TMEM230: variants seen among roughly 807,000 people sequenced by gnomAD.
TMEM230 encodes UPF0414 transmembrane protein C20orf30.
TMEM230 carries 10 observed loss-of-function variants against 15.8 expected under a neutral mutation model. The ratio of observed to expected loss-of-function variants is 0.63; its 90% CI spans 0.39 to 1.07. The LOEUF (loss-of-function observed/expected upper bound fraction) is 1.07. TMEM230 is among the 50% of genes least tolerant of loss of function. TMEM230 has a pLI of 0.01. For synonymous variants in TMEM230, 67 were observed against 76.9 expected (o/e 0.87, Z 0.68); for missense variants, 165 against 193.3 (o/e 0.85, Z 0.87).
intron 3 of TMEM230, 33 bp downstream of exon 2, chr20:5,109,299 C>T (rs780338076): frequency 6.5e-7 from 1 of 1,544,770 alleles, no homozygotes; most frequent in East Asian, 2.3e-5. Context: ...GAAACACAGC[C>T]AGTCAGTCTT....
chr20:5,066,103 T>C (rs1288022431), downstream of TMEM230: 1 of 152,268 alleles, frequency 6.6e-6, no homozygotes, highest in Non-Finnish European at 1.5e-5. Flanking sequence ...TGCTAAGTCA[T>C]GGTCAGGTTA....
At chr20:5,111,103 G>T (rs1466915754) in intron 2 of TMEM230, 1 of 151,438 alleles carries the variant, frequency 6.6e-6, no homozygotes, top group Non-Finnish European at 1.5e-5. Context: ...AATAGCTTGA[G>T]CCTGGGAGAC....
At chr20:5,095,640 A>G (rs866317494), downstream of TMEM230, among the ~76,000 whole-genome samples, 20 of 152,290 alleles carry the variant, frequency 1.3e-4, 1 homozygote, top group South Asian at 3.9e-3. Context: ...GTCCAGTCTC[A>G]AGGTGAGGAG....
At chr20:5,093,046 A>C (rs1341045303) in intron 3 of TMEM230, among the ~76,000 whole-genome samples, 2 of 152,092 alleles carry the variant, frequency 1.3e-5, no homozygotes, top group Non-Finnish European at 2.9e-5. Flanking sequence ...TTGGAAATGA[A>C]GAAGTAAAAC....
rs867131955 is a variant in TMEM230 at position 5,100,769 on chromosome 20, C to T, written c.*22G>A. 4 of 1,612,216 alleles carry T rather than the reference C, an allele frequency of 2.5e-6. No individual in the cohort carries two copies. Among genetic ancestry groups the T allele is most frequent in the Middle Eastern group, 2.1e-4 (1 of 4,870 alleles). On this transcript the variant is annotated 3_prime_UTR_variant, in exon 5 of 5. Coordinates refer to ENST00000342308, the MANE Select transcript of TMEM230 (RefSeq NM_001009923.2). ...AGCTGGGACAGTTCCACTGTGACTCCTCCTCAGCTATGGGGTGGGTGCTAG... is the reference window on the plus strand; with the variant it reads ...AGCTGGGACAGTTCCACTGTGACTCTTCCTCAGCTATGGGGTGGGTGCTAG...
At chr20:5,071,409 C>G (rs762960919) in intron 3 of TMEM230, among the ~76,000 whole-genome samples, 5 of 151,794 alleles carry the variant, frequency 3.3e-5, no homozygotes, top group Non-Finnish European at 7.4e-5. Flanking sequence ...CAGATCACCT[C>G]AGGTCAGGAA....
At chr20:5,106,456 A>G in intron 3 of TMEM230, 146 bp from the exon 3 acceptor site, 1 of 999,354 alleles carries the variant, frequency 1.0e-6, no homozygotes, top group South Asian at 1.8e-5. Context: ...CAGGCTAGAG[A>G]GCAATGGCGT....
At chr20:5,105,772 T>C (rs1167530765) in intron 4 of TMEM230, among the ~76,000 whole-genome samples, 1 of 151,592 alleles carries the variant, frequency 6.6e-6, no homozygotes, top group East Asian at 2.0e-4. Context: ...GGGGCAATGG[T>C]TCACACCTGC....
chr20:5,092,455 C>G (rs569059919), intron 3 of TMEM230, among the ~76,000 whole-genome samples: 1 of 152,094 alleles, frequency 6.6e-6, no homozygotes, highest in Admixed American at 6.6e-5. Flanking sequence ...CGGTGGCTCA[C>G]GCCTGTAATC....
chr20:5,103,323 GT>G (rs1238524010), intron 4 of TMEM230, among the ~76,000 whole-genome samples: 1 of 151,970 alleles, frequency 6.6e-6, no homozygotes, highest in African/African-American at 2.4e-5. Flanking sequence ...AATTAGCTAG[GT>G]ATGGTGACTC....
chr20:5,100,837 C>T lies in TMEM230; in HGVS notation c.506G>A (p.Gly169Asp). 1.2e-6 allele frequency: 2 copies of T among 1,614,104 alleles called. No homozygotes were observed. The stretch of plus-strand genomic sequence containing the variant: ...GTCATCATAGGAGTAACCACGGTAG[C>T]CTTTGGATGCATAGTAAGCGATGCG... The change falls in exon 5 of 5, where the codon GGC becomes GAC. Residue 169 changes from glycine (G) to aspartate (D), a missense_variant. Coordinates refer to ENST00000342308, the MANE Select transcript of TMEM230 (RefSeq NM_001009923.2).
At chr20:5,103,630 C>CAAA (rs141468437) in intron 4 of TMEM230, among the ~76,000 whole-genome samples, 1 of 122,232 alleles carries the variant, frequency 8.2e-6, no homozygotes. Flanking sequence ...GATTCTGTCT[C>CAAA]AAAAAAAAAA....
chr20:5,063,751 G>A (rs1032923781), downstream of TMEM230, among the ~76,000 whole-genome samples: 4 of 152,066 alleles, frequency 2.6e-5, no homozygotes, highest in African/African-American at 9.7e-5. Flanking sequence ...TGTATTCTCT[G>A]ACCATGATGA....
At chr20:5,073,628 A>G (rs1298501925) in intron 3 of TMEM230, among the ~76,000 whole-genome samples, 1 of 152,210 alleles carries the variant, frequency 6.6e-6, no homozygotes, top group East Asian at 1.9e-4. Flanking sequence ...AGGCTAGCCT[A>G]AGGCTTGGGT....
At chr20:5,097,447 T>C (rs1362488491), downstream of TMEM230, among the ~76,000 whole-genome samples, 1 of 152,184 alleles carries the variant, frequency 6.6e-6, no homozygotes, top group East Asian at 1.9e-4. Context: ...GGATATATAG[T>C]CTGGTCAACA....
chr20:5,078,099 A>T (rs1270578773), intron 3 of TMEM230, among the ~76,000 whole-genome samples: 1 of 152,148 alleles, frequency 6.6e-6, no homozygotes, highest in African/African-American at 2.4e-5. Flanking sequence ...CTGGCTCAGG[A>T]GAAAAGGGAG....
chr20:5,078,322 C>T (rs932855986), intron 3 of TMEM230, among the ~76,000 whole-genome samples: 9 of 152,174 alleles, frequency 5.9e-5, no homozygotes, highest in African/African-American at 1.7e-4. Context: ...GTTATGTAGC[C>T]GGTCCTTCAC....
At chr20:5,109,158 C>T (rs552538398) in intron 3 of TMEM230, 174 bp downstream of exon 2, 69 of 538,092 alleles carry the variant, frequency 1.3e-4, no homozygotes, top group African/African-American at 1.2e-3. Flanking sequence ...TTGAAACTAC[C>T]CTGCCACGGC....
At chr20:5,095,244 G>A (rs972888400), downstream of TMEM230, among the ~76,000 whole-genome samples, 2 of 152,144 alleles carry the variant, frequency 1.3e-5, no homozygotes, top group Admixed American at 6.6e-5. Context: ...CACGGATGGA[G>A]GCAAGCCAGC....
Sources: gnomAD v4.1 joint callset for allele counts (sites outside exome capture counted in the v4.1 genomes callset) on GRCh38, gnomAD v4.1.1 for gene constraint, MANE v1.5 for transcripts, NCBI Gene and HGNC (gene_info 2026-07-23, HGNC 2026-07-21) for gene names.